GALK2: variants seen among roughly 807,000 people sequenced by gnomAD.
GALK2 encodes the protein galactokinase 2.
GALK2 carries 36 observed loss-of-function variants against 52.4 expected under a neutral mutation model. The observed-to-expected ratio is 0.69, with a 90% CI of 0.53 to 0.91. The LOEUF (loss-of-function observed/expected upper bound fraction) is 0.91. GALK2 is among the 40% of genes least tolerant of loss of function. The pLI, the probability that GALK2 is intolerant of heterozygous loss-of-function variation, is 0.00. For missense variants in GALK2, 579 were observed against 559.1 expected (o/e 1.04, Z -0.36); for synonymous variants, 176 against 199.1 (o/e 0.88, Z 0.98).
In GALK2 at chr15:49,179,190, T is replaced by C. The variant is rs1456007713; in HGVS notation, c.53+8815T>C. Among the ~76,000 whole-genome samples, 5 of 152,102 alleles carry C rather than the reference T, an allele frequency of 3.3e-5. No individual in the cohort carries two copies. The East Asian group carries it at 9.6e-4, about 29-fold the overall frequency. On this transcript the variant is annotated intron_variant, in intron 1 of 9. Transcript: ENST00000560031. ...ATTCCATCTCTAACATATATTAAAT[T>C]CTCAAATATAACAGTAATAATAGTA...
At chr15:49,343,790 G>C (rs1011501177) in intron 3 of GALK2, 1 of 152,148 alleles carries the variant, frequency 6.6e-6, no homozygotes, top group Non-Finnish European at 1.5e-5. Flanking sequence ...TTGTCTTCAG[G>C]CATCACATGA....
chr15:49,203,138 C>A (rs954652237), intron 2 of GALK2, among the ~76,000 whole-genome samples: 1 of 152,172 alleles, frequency 6.6e-6, no homozygotes, highest in East Asian at 1.9e-4. Context: ...GCAACCTCCA[C>A]CTCCTGGGTT....
intron 3 of GALK2, chr15:49,366,180 C>T: frequency 1.2e-6 from 1 of 833,312 alleles, no homozygotes; most frequent in South Asian, 1.3e-5. Context: ...ATAGTATAAT[C>T]AAAGTTAGGC....
intron 2 of GALK2, among the ~76,000 whole-genome samples, chr15:49,209,323 T>C (rs2088607796): frequency 6.6e-6 from 1 of 152,214 alleles, no homozygotes; most frequent in African/African-American, 2.4e-5. Flanking sequence ...GCCCTTTACA[T>C]TTTTCTCTTG....
Position 49,192,995 on chromosome 15 carries a change from ACCTT to A in GALK2, c.54-8166_54-8163del, listed in dbSNP as rs1323360274. On this transcript the variant is annotated intron_variant, in intron 1 of 9. Transcript: ENST00000560031. ...CTTTTGTTATGAATTTTCTGTTTAT[ACCTT>A]TTTTTTTTTTTTTTTTTTGATGGAA... 9.5e-4 allele frequency among the ~76,000 whole-genome samples: 120 copies of A among 126,712 alleles called. 4 individuals are homozygous for A. The highest frequency in any genetic ancestry group is 1.3e-3 in the African/African-American group (46 of 34,520). The allele number at this position is 126,712 out of a possible 152,430, so 83.1% of individuals were successfully genotyped here. A position where few individuals can be genotyped will look rare whatever the true frequency, so the allele number is the denominator to read the frequency against.
intron 9 of GALK2, among the ~76,000 whole-genome samples, chr15:49,322,029 T>G (rs1055091357): frequency 9.9e-5 from 15 of 152,232 alleles, no homozygotes; most frequent in African/African-American, 3.6e-4. Context: ...CGCTTTGTGT[T>G]CTCCATTGGC....
intron 8 of GALK2, among the ~76,000 whole-genome samples, chr15:49,302,574 TA>T (rs2035205558): frequency 6.6e-6 from 1 of 152,204 alleles, no homozygotes; most frequent in Non-Finnish European, 1.5e-5. Flanking sequence ...CTTTACAATG[TA>T]AAAAGGGTCA....
At chr15:49,167,794 A>G (rs889205346), upstream of GALK2, among the ~76,000 whole-genome samples, 1 of 152,264 alleles carries the variant, frequency 6.6e-6, no homozygotes, top group Non-Finnish European at 1.5e-5. Context: ...TAATATACGC[A>G]AAGTGCTTAC....
intron 5 of GALK2, among the ~76,000 whole-genome samples, chr15:49,260,020 G>A (rs1226461934): frequency 2.0e-5 from 3 of 151,234 alleles, no homozygotes; most frequent in Non-Finnish European, 4.4e-5. Context: ...TTGCTATTGT[G>A]AATAGTGCCG....
At chr15:49,200,564 G>T (rs763230335) in intron 1 of GALK2, among the ~76,000 whole-genome samples, 26 of 152,200 alleles carry the variant, frequency 1.7e-4, no homozygotes, top group Non-Finnish European at 3.5e-4. Context: ...AGAGATTAGA[G>T]TAATAAAGCT....
intron 9 of GALK2, among the ~76,000 whole-genome samples, chr15:49,320,888 G>A (rs1296333894): frequency 1.3e-5 from 2 of 152,208 alleles, no homozygotes; most frequent in African/African-American, 4.8e-5. Context: ...TATTTCTGCA[G>A]AGATCAGGAA....
At chr15:49,157,094 C>T (rs114461306) in intron 1 of GALK2, among the ~76,000 whole-genome samples, 2,666 of 152,236 alleles carry the variant, frequency 0.018, 97 homozygotes, top group African/African-American at 0.062. Flanking sequence ...CACATCTGTA[C>T]CTTTATTATA....
At chr15:49,229,725 T>C (rs755564845) in intron 3 of GALK2, among the ~76,000 whole-genome samples, 16 of 152,108 alleles carry the variant, frequency 1.1e-4, no homozygotes, top group Middle Eastern at 3.4e-3. Flanking sequence ...GCCCAGGTGG[T>C]GGTGGCAGTG....
At chr15:49,224,160 A>G (rs1249866718) in intron 3 of GALK2, among the ~76,000 whole-genome samples, 2 of 151,734 alleles carry the variant, frequency 1.3e-5, no homozygotes, top group African/African-American at 4.8e-5. Context: ...GTGTTTGTTC[A>G]TATACTTTGC....
At chr15:49,228,891 C>T (rs117329141) in intron 3 of GALK2, among the ~76,000 whole-genome samples, 7,755 of 150,800 alleles carry the variant, frequency 0.051, 289 homozygotes, top group East Asian at 0.15. Flanking sequence ...GATGGTGTTT[C>T]ACCATGTTGG....
upstream of GALK2, among the ~76,000 whole-genome samples, chr15:49,167,366 T>C (rs549662136): frequency 1.3e-5 from 2 of 151,632 alleles, no homozygotes; most frequent in Non-Finnish European, 2.9e-5. Flanking sequence ...TTTTCTTTTC[T>C]TTTTTTTTGA....
intron 7 of GALK2, among the ~76,000 whole-genome samples, chr15:49,285,062 T>C (rs575433743): frequency 4.2e-4 from 64 of 152,320 alleles, no homozygotes; most frequent in African/African-American, 1.5e-3. Context: ...ATATGTTATC[T>C]TTACTCCTCT....
intron 3 of GALK2, among the ~76,000 whole-genome samples, chr15:49,361,591 G>A (rs2044248273): frequency 1.3e-5 from 2 of 152,106 alleles, no homozygotes; most frequent in African/African-American, 4.8e-5. Flanking sequence ...TAGTTTTTAT[G>A]GCTGCACAGT....
intron 1 of GALK2, among the ~76,000 whole-genome samples, chr15:49,184,160 C>G (rs1264658471): frequency 6.6e-6 from 1 of 151,720 alleles, no homozygotes. Context: ...GTATAAGGTG[C>G]ATATATATTT....
Sources: gnomAD v4.1 joint callset for allele counts (sites outside exome capture counted in the v4.1 genomes callset) on GRCh38, gnomAD v4.1.1 for gene constraint, MANE v1.5 for transcripts, NCBI Gene and HGNC (gene_info 2026-07-23, HGNC 2026-07-21) for gene names.